The following ACOT1 variants were observed in gnomAD, a reference collection of about 807,000 sequenced individuals.
ACOT1 encodes the protein acyl-coenzyme A thioesterase 1.
A neutral mutation model predicts 15.7 loss-of-function variants in ACOT1; 8 were observed. That is an observed-to-expected ratio of 0.51 (90% CI 0.30 to 0.92). ACOT1 has a LOEUF of 0.92. Among genes scored for constraint, ACOT1 ranks in the 40% least tolerant of loss-of-function variants. ACOT1 has a pLI of 0.06. For synonymous variants in ACOT1, 67 were observed against 241.2 expected, an observed-to-expected ratio of 0.28 and a Z score of 6.69; for missense variants, 151 against 539.4, an observed-to-expected ratio of 0.28 and a Z score of 7.13.
At chr14:73,527,961 C>CAA in the ACOT1 span, among the ~76,000 whole-genome samples, 114 of 52,516 alleles carry the variant, frequency 2.2e-3, no homozygotes, top group Middle Eastern at 0.013. Context: ...AACTCCATCT[C>CAA]AAAAAAAAAA....
the ACOT1 span, chr14:73,493,164 A>AAAACCC: frequency 6.4e-7 from 1 of 1,554,012 alleles, no homozygotes; most frequent in African/African-American, 1.4e-5. Flanking sequence ...AGGTGGAAAA[A>AAAACCC]AAACCCTTGA....
the ACOT1 span, chr14:73,495,178 G>T: frequency 1.3e-6 from 2 of 1,530,264 alleles, no homozygotes; most frequent in African/African-American, 2.8e-5. Context: ...GATCCTGGAA[G>T]AGGCTTATTA....
chr14:73,520,979 A>C, the ACOT1 span: 1 of 1,613,656 alleles, frequency 6.2e-7, no homozygotes, highest in Non-Finnish European at 8.5e-7. Flanking sequence ...GGATATCCTC[A>C]GTGCTCTTGT....
At position 73,542,665 on chromosome 14, in the gene ACOT1, C is replaced by G. The variant is rs541643278; in HGVS notation, c.661-385C>G. On this transcript the variant is annotated intron_variant, in intron 2 of 2. Transcript: ENST00000311148. The stretch of plus-strand genomic sequence containing the variant: ...AAATGATCCACCCGCCTCAGCCTCC[C>G]AAACTGTTGGGATTACAGGCGTCAG... Among the ~76,000 whole-genome samples the G allele has an allele frequency of 3.6e-5, 4 of 111,504 alleles. 1 individual carries two copies. The highest frequency in any genetic ancestry group is 1.2e-4 in the African/African-American group (4 of 32,962). 73.2% of individuals were successfully genotyped at this position (111,504 alleles called of 152,430 possible).
At chr14:73,538,242 T>C (rs1288853990) in intron 1 of ACOT1, among the ~76,000 whole-genome samples, 2 of 113,970 alleles carry the variant, frequency 1.8e-5, no homozygotes, top group African/African-American at 5.7e-5. Flanking sequence ...GAGACAGGAA[T>C]GGAATGGAAA....
At chr14:73,522,151 G>GCA in the ACOT1 span, 3 of 1,016,044 alleles carry the variant, frequency 3.0e-6, no homozygotes, top group Non-Finnish European at 2.9e-6. Flanking sequence ...CAGGCCGGTG[G>GCA]TGGAGAACAT....
chr14:73,519,755 C>T, the ACOT1 span, among the ~76,000 whole-genome samples: 43 of 152,256 alleles, frequency 2.8e-4, 1 homozygote, highest in Admixed American at 1.5e-3. Flanking sequence ...CCATGGCTCA[C>T]GCCTGTAATC....
At chr14:73,520,873 AGGTGTTGTCTGT>A in the ACOT1 span, 2 of 1,613,784 alleles carry the variant, frequency 1.2e-6, no homozygotes, top group Non-Finnish European at 1.7e-6. Context: ...TCCTGTTCAA[AGGTGTTGTCTGT>A]GGAGTAGGCA....
At chr14:73,539,796 C>G (rs1889016593) in intron 1 of ACOT1, 1 of 116,722 alleles carries the variant, frequency 8.6e-6, no homozygotes, top group Non-Finnish European at 1.9e-5. Flanking sequence ...TGCCGGGGCA[C>G]TGGGGTTTCT....
chr14:73,535,842 C>T (rs1467870110), upstream of ACOT1, among the ~76,000 whole-genome samples: 2 of 115,286 alleles, frequency 1.7e-5, 1 homozygote, highest in Non-Finnish European at 3.8e-5. Flanking sequence ...CTTAAGAAAC[C>T]CTGCCACCTC....
At chr14:73,531,464 A>T in the ACOT1 span, among the ~76,000 whole-genome samples, 2 of 95,662 alleles carry the variant, frequency 2.1e-5, 1 homozygote, top group Non-Finnish European at 4.4e-5. Context: ...TCTGTCGCCC[A>T]GGCTGGAGTG....
rs2140310923 is a variant in ACOT1, at chr14:73,538,064, C to G, written c.457+186C>G. Among the ~76,000 whole-genome samples, 2 of 112,774 alleles carry G rather than the reference C, an allele frequency of 1.8e-5. 1 individual carries two copies. Among genetic ancestry groups the G allele is most frequent in the Non-Finnish European group, 3.9e-5 (2 of 51,800 alleles). 74.0% of individuals were successfully genotyped at this position (112,774 alleles called of 152,430 possible). On this transcript the variant is annotated intron_variant, in intron 1 of 2. Coordinates refer to ENST00000311148, the MANE Select transcript of ACOT1 (RefSeq NM_001037161.2). ...TAGGTCTTGAACTCCTGGACCCAAGCTATCCTCCCGCCTCTGCCTCCCCAA... is the reference window on the plus strand; with the variant it reads ...TAGGTCTTGAACTCCTGGACCCAAGGTATCCTCCCGCCTCTGCCTCCCCAA...
the ACOT1 span, chr14:73,506,467 C>A: frequency 1.2e-6 from 2 of 1,612,122 alleles, no homozygotes; most frequent in African/African-American, 2.7e-5. Flanking sequence ...AGAGGTTTAC[C>A]AAGCAGACAT....
chr14:73,526,063 G>A, the ACOT1 span, among the ~76,000 whole-genome samples: 1 of 151,990 alleles, frequency 6.6e-6, no homozygotes, highest in Non-Finnish European at 1.5e-5. Flanking sequence ...TGGGAAAGAC[G>A]GTCCTGCATC....
At chr14:73,495,033 A>T in the ACOT1 span, among the ~76,000 whole-genome samples, 1 of 146,130 alleles carries the variant, frequency 6.8e-6, no homozygotes. Context: ...GAGAAAATAA[A>T]TGAATAAAAA....
the ACOT1 span, among the ~76,000 whole-genome samples, chr14:73,511,435 C>A: frequency 6.6e-6 from 1 of 151,840 alleles, no homozygotes; most frequent in Non-Finnish European, 1.5e-5. Flanking sequence ...AGGAGAATTG[C>A]TTGAACCTGG....
At chr14:73,491,494 G>A in the ACOT1 span, 1 of 1,506,900 alleles carries the variant, frequency 6.6e-7, no homozygotes, top group Non-Finnish European at 8.8e-7. Context: ...CGGCCGTCCA[G>A]TCGTCCGGGG....
the ACOT1 span, chr14:73,502,990 C>T: frequency 3.7e-6 from 6 of 1,613,800 alleles, no homozygotes; most frequent in Non-Finnish European, 5.1e-6. Flanking sequence ...TCCACATCAG[C>T]TGGATCAACT....
the ACOT1 span, chr14:73,523,010 A>G: frequency 6.2e-7 from 1 of 1,614,144 alleles, no homozygotes; most frequent in Non-Finnish European, 8.5e-7. Context: ...GAAGAAGACC[A>G]TAGGCACACT....
Sources: allele counts gnomAD v4.1 joint callset (sites outside exome capture counted in the v4.1 genomes callset), GRCh38; gene constraint gnomAD v4.1.1; transcripts MANE v1.5; gene names NCBI Gene and HGNC (gene_info 2026-07-23, HGNC 2026-07-21).